Variants in OCA2 observed in about 807,000 individuals in gnomAD.
OCA2 encodes the protein OCA2 melanosomal transmembrane protein, also known as P protein.
A neutral mutation model predicts 100.2 loss-of-function variants in OCA2; 77 were observed. That is an observed-to-expected ratio of 0.77 (90% confidence interval 0.64 to 0.93). The LOEUF is 0.93. Among genes scored for constraint, OCA2 ranks in the 40% least tolerant of loss-of-function variants. The pLI is 0.00. For synonymous variants in OCA2, 432 were observed against 439.2 expected (o/e 0.98, Z 0.21); for missense variants, 1,062 against 1,089.1 (o/e 0.98, Z 0.35).
At chr15:27,722,966 C>T in the OCA2 span, among the ~76,000 whole-genome samples, 6,612 of 151,812 alleles carry the variant, frequency 0.044, 460 homozygotes, top group African/African-American at 0.15. Context: ...CTCAGCCTCC[C>T]GAGTAGCTGG....
intron 23 of OCA2, among the ~76,000 whole-genome samples, chr15:27,787,479 G>A (rs190822867): frequency 4.6e-5 from 7 of 151,944 alleles, no homozygotes; most frequent in East Asian, 3.8e-4. Flanking sequence ...TTGGTAAATT[G>A]TGACTTTCTA....
At position 28,014,830 on chromosome 15, in the gene OCA2, C is replaced by G; in HGVS notation, c.990G>C (p.Gln330His). 1 of 1,614,114 alleles carries G rather than the reference C, an allele frequency of 6.2e-7. No homozygotes were observed. ...CGAGGATGGCCGTCGCGATGGTCACCTGGGTTTCTACACTTCCGCGGAGGT... is the reference window on the plus strand; with the variant it reads ...CGAGGATGGCCGTCGCGATGGTCACGTGGGTTTCTACACTTCCGCGGAGGT... ...HQYLRGSVET[Q>H]VTIATAILAG... The change falls in exon 9 of 24, where the codon CAG becomes CAC. Residue 330 changes from glutamine to histidine, a missense_variant. Transcript: ENST00000354638.
At chr15:27,854,904 C>T (rs2035897208) in intron 21 of OCA2, among the ~76,000 whole-genome samples, 1 of 152,094 alleles carries the variant, frequency 6.6e-6, no homozygotes, top group African/African-American at 2.4e-5. Context: ...GGGGGCATTG[C>T]AGTATCAAGG....
intron 1 of OCA2, among the ~76,000 whole-genome samples, chr15:28,094,660 C>T (rs1032326776): frequency 4.6e-5 from 7 of 152,276 alleles, no homozygotes; most frequent in African/African-American, 1.7e-4. Flanking sequence ...GCCCTCTCTC[C>T]GGCTCTGCGC....
intron 2 of OCA2, among the ~76,000 whole-genome samples, chr15:28,067,359 T>C: frequency 6.7e-6 from 1 of 149,878 alleles, no homozygotes; most frequent in Non-Finnish European, 1.5e-5. Flanking sequence ...CATCTCGATT[T>C]TATTAAGTTC....
chr15:27,805,361 G>A (rs908412293), intron 23 of OCA2, among the ~76,000 whole-genome samples: 3 of 152,282 alleles, frequency 2.0e-5, no homozygotes, highest in Non-Finnish European at 2.9e-5. Context: ...GGAGGCCTGG[G>A]CTGGGCTGCG....
At chr15:27,949,555 T>C (rs2039962712) in intron 18 of OCA2, among the ~76,000 whole-genome samples, 1 of 152,070 alleles carries the variant, frequency 6.6e-6, no homozygotes, top group African/African-American at 2.4e-5. Context: ...GCCAACTACT[T>C]AGGAGGCTGA....
chr15:27,834,764 G>A (rs1339782903), intron 23 of OCA2, among the ~76,000 whole-genome samples: 5 of 152,188 alleles, frequency 3.3e-5, no homozygotes, highest in South Asian at 4.1e-4. Flanking sequence ...CTAAGTCAGC[G>A]CCTGTCACCC....
At position 28,042,577 on chromosome 15, in the gene OCA2, T is replaced by C. The variant is rs139431442; in HGVS notation, c.228-10414A>G. 1.9e-3 allele frequency among the ~76,000 whole-genome samples: 291 copies of C among 151,866 alleles called. 1 individual carries two copies. Among genetic ancestry groups the C allele is most frequent in the African/African-American group, 6.7e-3 (278 of 41,450 alleles). On this transcript the variant is annotated intron_variant, in intron 2 of 23. Coordinates refer to ENST00000354638, the MANE Select transcript of OCA2 (RefSeq NM_000275.3). ...CTCACTTGAACCCAGGAGGTGGAGA[T>C]TGCAGTGAACCAAGATTGCACCACC...
At chr15:27,877,762 C>A (rs1392260911) in intron 19 of OCA2, among the ~76,000 whole-genome samples, 2 of 151,908 alleles carry the variant, frequency 1.3e-5, no homozygotes, top group African/African-American at 2.4e-5. Context: ...CTCTTAAGAG[C>A]AGCATATATT....
chr15:28,074,440 C>T (rs1414090215), intron 2 of OCA2, among the ~76,000 whole-genome samples: 4 of 151,784 alleles, frequency 2.6e-5, no homozygotes, highest in Admixed American at 6.6e-5. Flanking sequence ...TTTGGGAGGC[C>T]GAGGCGGGCG....
chr15:28,042,218 T>C (rs2043223482), intron 2 of OCA2, among the ~76,000 whole-genome samples: 1 of 152,106 alleles, frequency 6.6e-6, no homozygotes, highest in Non-Finnish European at 1.5e-5. Flanking sequence ...AAAATAGGAA[T>C]TCAAGAAATG....
intron 23 of OCA2, among the ~76,000 whole-genome samples, chr15:27,840,883 G>C (rs939206223): frequency 1.3e-5 from 2 of 152,164 alleles, no homozygotes; most frequent in East Asian, 3.8e-4. Context: ...AAGGTCTCCT[G>C]TTGTCATGCT....
At chr15:27,780,573 A>G (rs2032486315) in intron 23 of OCA2, among the ~76,000 whole-genome samples, 1 of 152,220 alleles carries the variant, frequency 6.6e-6, no homozygotes, top group Non-Finnish European at 1.5e-5. Flanking sequence ...TTCCAAGGTC[A>G]AATAAATTTG....
At chr15:27,731,706 G>A in the OCA2 span, among the ~76,000 whole-genome samples, 1 of 152,326 alleles carries the variant, frequency 6.6e-6, no homozygotes, top group East Asian at 1.9e-4. Context: ...ATGGGCTTCA[G>A]TCAGTTCTGA....
At chr15:27,870,822 AAGAAAGAAAG>A (rs2036535726) in intron 21 of OCA2, among the ~76,000 whole-genome samples, 3 of 137,182 alleles carry the variant, frequency 2.2e-5, no homozygotes, top group East Asian at 2.0e-4. Flanking sequence ...GAGAGAGAGA[AAGAAAGAAAG>A]AGAAAGAAAG....
At chr15:27,979,872 T>TG (rs1218366826) in intron 14 of OCA2, among the ~76,000 whole-genome samples, 2 of 147,422 alleles carry the variant, frequency 1.4e-5, no homozygotes. Context: ...GCTAGTGTTT[T>TG]TTTTTTTTTT....
At chr15:27,983,198 T>C in intron 14 of OCA2, 147 bp downstream of exon 14, 1 of 923,470 alleles carries the variant, frequency 1.1e-6, no homozygotes, top group East Asian at 2.5e-5. Context: ...TCACCTAACA[T>C]CCCAGTCTTG....
At chr15:28,097,194 C>T (rs2045001589) in intron 1 of OCA2, among the ~76,000 whole-genome samples, 2 of 152,234 alleles carry the variant, frequency 1.3e-5, no homozygotes, top group Admixed American at 1.3e-4. Context: ...GCGCCAGCCA[C>T]ACCTCCCCAC....
Sources: gnomAD v4.1 joint callset for allele counts (sites outside exome capture counted in the v4.1 genomes callset) on GRCh38, gnomAD v4.1.1 for gene constraint, MANE v1.5 for transcripts, NCBI Gene and HGNC (gene_info 2026-07-23, HGNC 2026-07-21) for gene names.